The following C4orf33 variants were observed in gnomAD, a reference collection of about 807,000 sequenced individuals.
C4orf33 encodes the protein chromosome 4 open reading frame 33, also known as UPF0462 protein C4orf33.
C4orf33 carries 20 observed loss-of-function variants against 24.3 expected under a neutral mutation model. The observed-to-expected ratio is 0.82, with a 90% confidence interval of 0.58 to 1.19. The LOEUF is 1.19. Among genes scored for constraint, C4orf33 ranks in the 50% most tolerant of loss-of-function variants. The pLI is 0.00. For missense variants in C4orf33, 207 were observed against 225.9 expected, an observed-to-expected ratio of 0.92 and a Z score of 0.54; for synonymous variants, 67 against 76.4, an observed-to-expected ratio of 0.88 and a Z score of 0.64.
rs1753742836 is a variant in C4orf33, at chr4:129,114,288, A to G, written c.*2497A>G. 2 of 152,222 alleles carry G rather than the reference A, an allele frequency of 1.3e-5. No homozygotes were observed. The highest frequency in any genetic ancestry group is 6.5e-5 in the Admixed American group (1 of 15,270). 9.4% of individuals were successfully genotyped at this position (152,222 alleles called of 1,614,324 possible). ...GCACCTCTTGACCAAAGAGGGTGGG[A>G]GTTGATGGATAACTACTTCTCTGTT... On this transcript the variant is annotated 3_prime_UTR_variant, in exon 6 of 6. Transcript: ENST00000425929.
chr4:129,115,804 AT>A lies in C4orf33; in HGVS notation c.*4014del, dbSNP rs1425039729. On this transcript the variant is annotated 3_prime_UTR_variant, in exon 6 of 6. Transcript: ENST00000425929. ...TGCCTAACAAATCTTCTAACTAAAT[AT>A]ATATATATATATATATATATATATA... The A allele has an allele frequency of 3.5e-5, 1 of 28,400 alleles. No individual in the cohort carries two copies. The highest frequency in any genetic ancestry group is 1.4e-4 in the Non-Finnish European group (1 of 7,370). The allele number at this position is 28,400 out of a possible 1,614,324, so 1.8% of individuals were successfully genotyped here. A position where few individuals can be genotyped will look rare whatever the true frequency, so the allele number is the denominator to read the frequency against.
chr4:129,101,296 T>G (rs528539405), intron 1 of C4orf33, among the ~76,000 whole-genome samples: 1 of 152,334 alleles, frequency 6.6e-6, no homozygotes, highest in African/African-American at 2.4e-5. Flanking sequence ...TCAATACGTA[T>G]TCACTGAATT....
chr4:129,096,997 C>T (rs369707701), intron 1 of C4orf33, among the ~76,000 whole-genome samples: 1 of 152,160 alleles, frequency 6.6e-6, no homozygotes, highest in South Asian at 2.1e-4. Flanking sequence ...GCAACCTCCG[C>T]CTCCGGGTTC....
intron 1 of C4orf33, among the ~76,000 whole-genome samples, chr4:129,097,730 A>T (rs760124395): frequency 2.6e-5 from 4 of 152,302 alleles, no homozygotes; most frequent in Non-Finnish European, 5.9e-5. Flanking sequence ...TTGCATTTTT[A>T]TTTTGATAGA....
chr4:129,106,972 C>T (rs900390525), intron 3 of C4orf33, among the ~76,000 whole-genome samples: 16 of 151,738 alleles, frequency 1.1e-4, no homozygotes, highest in South Asian at 4.1e-4. Context: ...TCATTATTTA[C>T]GCAATAAATT....
chr4:129,111,372 A>G (rs80021271), intron 5 of C4orf33, among the ~76,000 whole-genome samples: 4,550 of 152,346 alleles, frequency 0.03, 121 homozygotes, highest in Non-Finnish European at 0.049. Context: ...AAACATATGC[A>G]AGAGCATAAT....
Position 129,109,361 on chromosome 4 carries a change from A to G in C4orf33, c.294+3A>G. On this transcript the variant is annotated splice_donor_region_variant and intron_variant, in intron 4 of 5. Transcript: ENST00000425929. ...CTGGAAGAAGAAATGTGTGGAAAGT[A>G]AGTAAATAAAAATAGGAGGCAAAAT... The G allele has an allele frequency of 6.2e-7, 1 of 1,613,618 alleles. No individual in the cohort carries two copies. Among genetic ancestry groups the G allele is most frequent in the East Asian group, 2.2e-5 (1 of 44,870 alleles).
chr4:129,115,828 ATAAAATATATATG>A lies in C4orf33; in HGVS notation c.*4039_*4051del, dbSNP rs1753768683. On this transcript the variant is annotated 3_prime_UTR_variant, in exon 6 of 6. Transcript: ENST00000425929. ...TATATATATATATATATATATATAT[ATAAAATATATATG>A]TTTATATATAACATATATATATAGA... The A allele has an allele frequency of 2.0e-5, 1 of 48,852 alleles. No individual in the cohort carries two copies. The highest frequency in any genetic ancestry group is 4.8e-5 in the Non-Finnish European group (1 of 20,752). The allele number at this position is 48,852 out of a possible 1,614,324, so 3.0% of individuals were successfully genotyped here.
intron 1 of C4orf33, among the ~76,000 whole-genome samples, chr4:129,096,771 T>A (rs184551109): frequency 2.0e-5 from 3 of 152,164 alleles, no homozygotes; most frequent in Admixed American, 1.3e-4. Flanking sequence ...ACAGCCAAAC[T>A]TAAAATTGCA....
At chr4:129,110,421 C>T (rs1220994250) in intron 5 of C4orf33, among the ~76,000 whole-genome samples, 1 of 152,180 alleles carries the variant, frequency 6.6e-6, no homozygotes, top group African/African-American at 2.4e-5. Flanking sequence ...GAGCTCCTGG[C>T]CAGCCTTATG....
In C4orf33 at chr4:129,111,704, C is replaced by T. The variant is rs1753694634; in HGVS notation, c.513C>T (p.Phe171=). The change falls in exon 6 of 6, where the codon TTC becomes TTT. Residue 171 remains phenylalanine (F), a synonymous_variant. Coordinates refer to ENST00000425929, the MANE Select transcript of C4orf33 (RefSeq NM_001099783.2). ...QKPDFHCLEY[F]KSFNFNTLLG... ...CTTTTAGCCATTGCCTAGAATACTTCAAGTCTTTCAATTTTAACACACTGC... is the reference window on the plus strand; with the variant it reads ...CTTTTAGCCATTGCCTAGAATACTTTAAGTCTTTCAATTTTAACACACTGC... The T allele has an allele frequency of 5.6e-6, 9 of 1,610,020 alleles. No individual in the cohort carries two copies. Among genetic ancestry groups the T allele is most frequent in the Non-Finnish European group, 7.6e-6 (9 of 1,176,934 alleles).
At chr4:129,103,501 A>G (rs957406862) in intron 2 of C4orf33, among the ~76,000 whole-genome samples, 2 of 152,162 alleles carry the variant, frequency 1.3e-5, no homozygotes, top group African/African-American at 4.8e-5. Flanking sequence ...ATCAACCTCA[A>G]TACGAAATGT....
chr4:129,108,947 C>T (rs757593503), intron 3 of C4orf33, among the ~76,000 whole-genome samples: 5 of 151,848 alleles, frequency 3.3e-5, no homozygotes, highest in Admixed American at 1.3e-4. Context: ...AGTACAGTGG[C>T]GCTATCTTGG....
At chr4:129,109,869 T>G (rs1454925833) in intron 5 of C4orf33, 197 bp downstream of exon 5, 1 of 973,746 alleles carries the variant, frequency 1.0e-6, no homozygotes, top group Non-Finnish European at 1.4e-6. Flanking sequence ...CTCACTACTG[T>G]CAGTAGAGCA....
chr4:129,112,008 C>G lies in C4orf33; in HGVS notation c.*217C>G. The G allele has an allele frequency of 2.4e-6, 1 of 413,896 alleles. No homozygotes were observed. Among genetic ancestry groups the G allele is most frequent in the Non-Finnish European group, 4.4e-6 (1 of 228,522 alleles). 25.6% of individuals were successfully genotyped at this position (413,896 alleles called of 1,614,324 possible). On this transcript the variant is annotated 3_prime_UTR_variant, in exon 6 of 6. Transcript: ENST00000425929. ...TTTCATCTGTAAAGTCACAATGTTT[C>G]TCAGAGTCACTTAGTCCAGGATGTT... is the stretch of plus-strand genomic sequence containing the variant.
Position 129,113,694 on chromosome 4 carries a change from C to G in C4orf33, c.*1903C>G, listed in dbSNP as rs1282246295. 1 of 152,132 alleles carries G rather than the reference C, an allele frequency of 6.6e-6. No homozygotes were observed. Among genetic ancestry groups the G allele is most frequent in the Non-Finnish European group, 1.5e-5 (1 of 68,028 alleles). The allele number at this position is 152,132 out of a possible 1,614,324, so 9.4% of individuals were successfully genotyped here. ...CCCAGCTCCAGGAAAGTGTAAGTCA[C>G]AGTCTGAAGGGAAATGTGCTTTTTA... On this transcript the variant is annotated 3_prime_UTR_variant, in exon 6 of 6. Transcript: ENST00000425929.
In C4orf33 at chr4:129,102,719, C is replaced by A. The variant is rs753040058; in HGVS notation, c.109C>A (p.Pro37Thr). 1 of 1,614,068 alleles carries A rather than the reference C, an allele frequency of 6.2e-7. No individual in the cohort carries two copies. The highest frequency in any genetic ancestry group is 8.5e-7 in the Non-Finnish European group (1 of 1,179,960). ...DRGVMMDISA[P>T]FFRDPPAPLG... ...AGGAGTGATGATGGACATTAGTGCT[C>A]CATTTTTCAGGGATCCTCCAGCCCC... The change falls in exon 2 of 6, where the codon CCA becomes ACA. Residue 37 changes from proline to threonine, a missense_variant. Transcript: ENST00000425929.
intron 3 of C4orf33, among the ~76,000 whole-genome samples, chr4:129,107,772 A>G (rs943267948): frequency 6.6e-6 from 1 of 152,084 alleles, no homozygotes; most frequent in East Asian, 1.9e-4. Flanking sequence ...GCAAACATTC[A>G]TAATTTGTCT....
chr4:129,108,238 G>A (rs1753574088), intron 3 of C4orf33, among the ~76,000 whole-genome samples: 1 of 152,122 alleles, frequency 6.6e-6, no homozygotes, highest in African/African-American at 2.4e-5. Flanking sequence ...TCCCTGAAAA[G>A]CTCTCAAAAG....
Sources: gnomAD v4.1 joint callset for allele counts (sites outside exome capture counted in the v4.1 genomes callset) on GRCh38, gnomAD v4.1.1 for gene constraint, MANE v1.5 for transcripts, NCBI Gene and HGNC (gene_info 2026-07-23, HGNC 2026-07-21) for gene names.